Variants in HMCN1 observed in about 807,000 individuals in gnomAD.
HMCN1 encodes hemicentin 1, also known as hemicentin-1.
HMCN1 carries 321 observed loss-of-function variants against 625.9 expected under a neutral mutation model. That is an observed-to-expected ratio of 0.51 (90% CI 0.47 to 0.56). HMCN1 has a LOEUF of 0.56. Among genes scored for constraint, HMCN1 ranks in the 20% least tolerant of loss-of-function variants. The pLI is 0.00. For synonymous variants in HMCN1, 2,425 were observed against 2,417.6 expected (o/e 1.00, Z -0.09); for missense variants, 6,588 against 6,887.3 (o/e 0.96, Z 1.54).
At position 186,092,501 on chromosome 1, in the gene HMCN1, C is replaced by CA. The variant is rs535653989; in HGVS notation, c.9888-627dup. The stretch of plus-strand genomic sequence containing the variant: ...ACTGTAGATGGCAATTTAATCTCTA[C>CA]AAAAAACACAGGAAATTTTGATTTG... On this transcript the variant is annotated intron_variant, in intron 64 of 106. Transcript: ENST00000271588. Among the ~76,000 whole-genome samples the CA allele has an allele frequency of 3.7e-3, 564 of 151,924 alleles. 4 individuals carry two copies. Among genetic ancestry groups the CA allele is most frequent in the African/African-American group, 0.013 (537 of 41,484 alleles).
At chr1:186,039,155 C>T (rs1656032440) in intron 38 of HMCN1, 150 bp downstream of exon 38, 1 of 700,636 alleles carries the variant, frequency 1.4e-6, no homozygotes, top group Non-Finnish European at 2.6e-6. Context: ...TATAAATGTG[C>T]TTATTCCTGA....
chr1:185,795,711 A>C (rs1468821286), intron 1 of HMCN1, among the ~76,000 whole-genome samples: 1 of 152,214 alleles, frequency 6.6e-6, no homozygotes, highest in Non-Finnish European at 1.5e-5. Flanking sequence ...CAGCAGGTTA[A>C]AGAATCAAGG....
chr1:185,783,835 A>G (rs148214531), intron 1 of HMCN1, among the ~76,000 whole-genome samples: 5 of 152,122 alleles, frequency 3.3e-5, no homozygotes, highest in Non-Finnish European at 7.4e-5. Flanking sequence ...TCAGATCTCA[A>G]ACTCCATGCT....
At chr1:186,172,619 AC>A (rs1652302160) in intron 102 of HMCN1, among the ~76,000 whole-genome samples, 2 of 152,226 alleles carry the variant, frequency 1.3e-5, no homozygotes, top group African/African-American at 4.8e-5. Context: ...ATGACCAGAC[AC>A]AAAGGTACAT....
rs1327091172 is a variant in HMCN1, at chr1:186,094,324, C to G, written c.10245C>G (p.Ala3415=). The part of the protein sequence containing the change: ...VSDVAVYTCV[A]SNRAGVDNKH... ...ATGTCGCTGTGTATACTTGTGTGGC[C>G]TCCAACAGAGCTGGGGTGGATAATA... The change falls in exon 67 of 107, where the codon GCC becomes GCG. Residue 3415 remains alanine (A), a synonymous_variant. Coordinates refer to ENST00000271588, the MANE Select transcript of HMCN1 (RefSeq NM_031935.3). 1.2e-6 allele frequency: 2 copies of G among 1,613,224 alleles called. No individual in the cohort carries two copies. The highest frequency in any genetic ancestry group is 8.5e-7 in the Non-Finnish European group (1 of 1,179,596).
intron 6 of HMCN1, among the ~76,000 whole-genome samples, chr1:185,918,039 C>T (rs139864930): frequency 1.6e-4 from 25 of 152,208 alleles, no homozygotes; most frequent in African/African-American, 5.8e-4. Flanking sequence ...TTAGGGTTCT[C>T]CAGAGGACAG....
intron 103 of HMCN1, among the ~76,000 whole-genome samples, chr1:186,176,491 C>G (rs1162840160): frequency 6.6e-6 from 1 of 152,174 alleles, no homozygotes; most frequent in African/African-American, 2.4e-5. Flanking sequence ...ACTACGTATT[C>G]CCATATGATC....
chr1:185,984,205 G>A lies in HMCN1; in HGVS notation c.2827G>A (p.Gly943Arg). The change falls in exon 19 of 107, where the codon GGG (glycine) becomes AGG (arginine). Residue 943 changes from glycine to arginine, a missense_variant. Gly to Arg is a moderately radical substitution (Grantham distance 125). Transcript: ENST00000271588. ...TCCTTACATCACTGTGCGCAGTGAT[G>A]GGAGCCTCCATATTGAAAGAGTTCA... ...QNPYITVRSD[G>R]SLHIERVQLQ... 1.2e-6 allele frequency: 2 copies of A among 1,613,268 alleles called. No homozygotes were observed. Among genetic ancestry groups the A allele is most frequent in the Middle Eastern group, 1.7e-4 (1 of 6,056 alleles).
At chr1:185,994,698 A>G in intron 23 of HMCN1, 117 bp from the exon 24 acceptor site, 1 of 1,057,222 alleles carries the variant, frequency 9.5e-7, no homozygotes, top group Non-Finnish European at 1.4e-6. Flanking sequence ...CTAGGTCCAA[A>G]TTCTGAAATT....
At position 186,023,095 on chromosome 1, in the gene HMCN1, A is replaced by G; in HGVS notation, c.5691A>G (p.Thr1897=). 6.2e-7 allele frequency: 1 copy of G among 1,613,394 alleles called. No individual in the cohort carries two copies. Reference sequence around the variant, plus strand: ...TGTTGGAAGATGCTGGCAGATACACATGTGTGGCTACCAACGCAGCTGGAG... The same window carrying G: ...TGTTGGAAGATGCTGGCAGATACACGTGTGTGGCTACCAACGCAGCTGGAG... The part of the protein sequence containing the change: ...KTLLEDAGRY[T]CVATNAAGET... Residue 1897 remains threonine (T), a synonymous_variant, in exon 36 of 107, where the codon ACA becomes ACG. Transcript: ENST00000271588.
chr1:185,833,193 C>T (rs748207583), intron 1 of HMCN1, among the ~76,000 whole-genome samples: 5 of 152,174 alleles, frequency 3.3e-5, no homozygotes, highest in Non-Finnish European at 7.4e-5. Flanking sequence ...CTGTCAAATA[C>T]GAGGCATCTG....
chr1:186,138,432 A>G (rs1435671287), intron 89 of HMCN1, among the ~76,000 whole-genome samples: 2 of 152,126 alleles, frequency 1.3e-5, no homozygotes, highest in African/African-American at 2.4e-5. Flanking sequence ...TATTGTTAAT[A>G]TTGTGTATTG....
chr1:185,768,801 A>T (rs1013188880), intron 1 of HMCN1, among the ~76,000 whole-genome samples: 5 of 152,222 alleles, frequency 3.3e-5, no homozygotes, highest in African/African-American at 1.2e-4. Context: ...AATTGTATTA[A>T]TAATAATAAT....
At chr1:185,894,665 CTTT>C (rs1571519901) in intron 4 of HMCN1, among the ~76,000 whole-genome samples, 1 of 152,044 alleles carries the variant, frequency 6.6e-6, no homozygotes, top group African/African-American at 2.4e-5. Context: ...TGTTTTCTGT[CTTT>C]TTCATTTTAG....
At chr1:185,956,509 A>C (rs976507474) in intron 11 of HMCN1, among the ~76,000 whole-genome samples, 2 of 152,236 alleles carry the variant, frequency 1.3e-5, no homozygotes, top group Non-Finnish European at 2.9e-5. Flanking sequence ...GAACAGCCAT[A>C]GGGTGAGGTA....
chr1:185,741,543 G>A (rs1653993661), intron 1 of HMCN1, among the ~76,000 whole-genome samples: 1 of 152,176 alleles, frequency 6.6e-6, no homozygotes, highest in African/African-American at 2.4e-5. Flanking sequence ...GACTATAAAT[G>A]GAGAAGAGAA....
chr1:186,137,556 A>C lies in HMCN1; in HGVS notation c.13641A>C (p.Lys4547Asn), dbSNP rs756541732. 1 of 1,613,826 alleles carries C rather than the reference A, an allele frequency of 6.2e-7. No individual in the cohort carries two copies. Among genetic ancestry groups the C allele is most frequent in the Non-Finnish European group, 8.5e-7 (1 of 1,179,918 alleles). Reference protein sequence around the residue: ...AWRACSVTCGKGIQKRSRLCN... With the variant: ...AWRACSVTCGNGIQKRSRLCN... Reference sequence around the variant, plus strand: ...GAGCCTGCAGTGTCACCTGTGGAAAAGGCATCCAAAAGAGGAGTCGTCTGT... The same window carrying C: ...GAGCCTGCAGTGTCACCTGTGGAAACGGCATCCAAAAGAGGAGTCGTCTGT... Residue 4547 changes from lysine to asparagine, a missense_variant, in exon 88 of 107, where the codon AAA (lysine) becomes AAC (asparagine). By Grantham distance (94) the Lys-to-Asn change is moderately conservative. This residue lies in a region of HMCN1 where 1,954 missense variants were observed against 2,013.1 expected (regional missense o/e 0.97). Coordinates refer to ENST00000271588, the MANE Select transcript of HMCN1 (RefSeq NM_031935.3).
intron 6 of HMCN1, 34 bp from the exon 7 acceptor site, chr1:185,922,345 A>C: frequency 6.2e-7 from 1 of 1,612,074 alleles, no homozygotes; most frequent in Non-Finnish European, 8.5e-7. Context: ...TACTGGATCA[A>C]CTGCTGACCA....
chr1:185,833,173 AAG>A (rs1660968938), intron 1 of HMCN1, among the ~76,000 whole-genome samples: 1 of 152,188 alleles, frequency 6.6e-6, no homozygotes, highest in Non-Finnish European at 1.5e-5. Flanking sequence ...CAGTTGTGCC[AAG>A]CACAGTGCTG....
Sources: allele counts gnomAD v4.1 joint callset (sites outside exome capture counted in the v4.1 genomes callset), GRCh38; gene constraint gnomAD v4.1.1; regional missense constraint gnomAD v4.1.1; transcripts MANE v1.5; gene names NCBI Gene and HGNC (gene_info 2026-07-23, HGNC 2026-07-21).